ZRANB3: variants seen among roughly 807,000 people sequenced by gnomAD.
ZRANB3 encodes zinc finger RANBP2-type containing 3.
In ZRANB3, 125 loss-of-function variants were observed where a neutral mutation model predicts 133.8. The observed-to-expected ratio is 0.93, with a 90% CI of 0.81 to 1.08. The LOEUF is 1.08. Ranked by LOEUF, ZRANB3 falls within the 50% of genes least tolerant of loss-of-function variation. ZRANB3 has a pLI of 0.00. For missense variants in ZRANB3, 1,229 were observed against 1,275.5 expected (o/e 0.96, Z 0.56); for synonymous variants, 387 against 432.7 (o/e 0.89, Z 1.31).
chr2:135,408,240 C>A (rs917849168), intron 2 of ZRANB3, among the ~76,000 whole-genome samples: 1 of 152,108 alleles, frequency 6.6e-6, no homozygotes, highest in Non-Finnish European at 1.5e-5. Flanking sequence ...ATCATCACTG[C>A]TCATCAGAGA....
At chr2:135,490,713 T>C (rs557645872) in intron 2 of ZRANB3, among the ~76,000 whole-genome samples, 1 of 152,280 alleles carries the variant, frequency 6.6e-6, no homozygotes, top group South Asian at 2.1e-4. Context: ...ATGTACTCAA[T>C]AGCCAAAATG....
intron 1 of ZRANB3, among the ~76,000 whole-genome samples, chr2:135,512,175 A>C (rs1260179442): frequency 6.6e-6 from 1 of 152,198 alleles, no homozygotes; most frequent in Non-Finnish European, 1.5e-5. Context: ...TTATTTTCTA[A>C]GCAATTTGCT....
intron 8 of ZRANB3, among the ~76,000 whole-genome samples, chr2:135,284,430 G>C (rs1305990364): frequency 6.6e-6 from 1 of 152,128 alleles, no homozygotes; most frequent in African/African-American, 2.4e-5. Flanking sequence ...AAAGAAAACA[G>C]AATCACATCT....
At chr2:135,468,240 T>C (rs901672983) in intron 2 of ZRANB3, among the ~76,000 whole-genome samples, 2 of 152,236 alleles carry the variant, frequency 1.3e-5, no homozygotes, top group Non-Finnish European at 2.9e-5. Flanking sequence ...TTCTGGAATA[T>C]ATGTGGATTA....
chr2:135,284,090 C>A (rs1681228261), intron 8 of ZRANB3, among the ~76,000 whole-genome samples: 1 of 152,194 alleles, frequency 6.6e-6, no homozygotes, highest in African/African-American at 2.4e-5. Context: ...AGCACATGGA[C>A]TGTGGAGCCA....
chr2:135,385,734 G>T (rs1480409494), intron 3 of ZRANB3, among the ~76,000 whole-genome samples: 2 of 152,166 alleles, frequency 1.3e-5, no homozygotes, highest in Admixed American at 1.3e-4. Context: ...AACAAAAAAT[G>T]GGGAAAGGAT....
At chr2:135,377,761 C>A (rs1296407785) in intron 3 of ZRANB3, among the ~76,000 whole-genome samples, 1 of 152,184 alleles carries the variant, frequency 6.6e-6, no homozygotes, top group Non-Finnish European at 1.5e-5. Context: ...ATGGTTAATA[C>A]TCAGTGTCAA....
chr2:135,218,222 A>G (rs1694391563), intron 16 of ZRANB3, among the ~76,000 whole-genome samples: 1 of 152,196 alleles, frequency 6.6e-6, no homozygotes. Flanking sequence ...GAGACCAAAA[A>G]AGGTCTGGAA....
intron 3 of ZRANB3, among the ~76,000 whole-genome samples, chr2:135,358,134 T>C (rs1477603636): frequency 6.6e-6 from 1 of 152,214 alleles, no homozygotes; most frequent in East Asian, 1.9e-4. Context: ...AGTACCACAA[T>C]ACTGCTAAAA....
chr2:135,254,731 CCT>C (rs372296464), intron 12 of ZRANB3, among the ~76,000 whole-genome samples: 108 of 152,150 alleles, frequency 7.1e-4, no homozygotes, highest in African/African-American at 2.4e-3. Flanking sequence ...AACCATCACC[CCT>C]GTTTAATTGT....
At chr2:135,335,073 T>A (rs1573930245) in intron 6 of ZRANB3, among the ~76,000 whole-genome samples, 1 of 152,178 alleles carries the variant, frequency 6.6e-6, no homozygotes, top group East Asian at 1.9e-4. Context: ...TTTATCCTGA[T>A]GCTCTCCCTT....
At chr2:135,273,828 C>T (rs1209395463) in intron 9 of ZRANB3, among the ~76,000 whole-genome samples, 1 of 152,110 alleles carries the variant, frequency 6.6e-6, no homozygotes, top group East Asian at 1.9e-4. Flanking sequence ...TGAGCCACCG[C>T]ACCTGGCCTA....
intron 2 of ZRANB3, among the ~76,000 whole-genome samples, chr2:135,431,867 A>C (rs575256965): frequency 1.3e-5 from 2 of 152,326 alleles, no homozygotes; most frequent in Admixed American, 1.3e-4. Flanking sequence ...GAAATGAAAA[A>C]TATATACCAA....
chr2:135,204,211 C>T (rs1277673315), intron 19 of ZRANB3, among the ~76,000 whole-genome samples: 44 of 152,166 alleles, frequency 2.9e-4, no homozygotes, highest in Admixed American at 2.9e-3. Flanking sequence ...ACCTTCTCTT[C>T]TGTGCTGAAC....
At chr2:135,319,694 A>G (rs955147103) in intron 6 of ZRANB3, among the ~76,000 whole-genome samples, 1 of 152,182 alleles carries the variant, frequency 6.6e-6, no homozygotes. Context: ...TCGCACTGCA[A>G]TATGTCCACT....
At chr2:135,315,588 T>A (rs1573896044) in intron 6 of ZRANB3, 58 bp from the exon 7 acceptor site, 3 of 1,220,796 alleles carry the variant, frequency 2.5e-6, no homozygotes, top group East Asian at 5.9e-5. Flanking sequence ...AAGAAAATAA[T>A]TTATCCAATG....
At chr2:135,255,227 A>G (rs1276347084) in intron 12 of ZRANB3, among the ~76,000 whole-genome samples, 1 of 151,976 alleles carries the variant, frequency 6.6e-6, no homozygotes, top group Non-Finnish European at 1.5e-5. Context: ...GAACTTAAAA[A>G]CAGGCCAGTT....
At chr2:135,262,560 T>C (rs888549466) in intron 12 of ZRANB3, among the ~76,000 whole-genome samples, 5 of 152,122 alleles carry the variant, frequency 3.3e-5, no homozygotes, top group African/African-American at 9.6e-5. Flanking sequence ...GGTGGGAGGA[T>C]TGCTTGAGGC....
In ZRANB3 at chr2:135,311,030, A is replaced by G. The variant is rs114858955; in HGVS notation, c.966+2459T>C. Among the ~76,000 whole-genome samples the G allele has an allele frequency of 4.2e-3, 641 of 152,250 alleles. 7 individuals carry two copies. Among genetic ancestry groups the G allele is most frequent in the African/African-American group, 0.015 (607 of 41,586 alleles). ...CAAATTTAAAACTTCTGTTCTCTGA[A>G]AGACAATGTTAATAAAATAGAAATC... On this transcript the variant is annotated intron_variant, in intron 8 of 20. Transcript: ENST00000264159.
Sources: allele counts gnomAD v4.1 joint callset (sites outside exome capture counted in the v4.1 genomes callset), GRCh38; gene constraint gnomAD v4.1.1; transcripts MANE v1.5; gene names NCBI Gene and HGNC (gene_info 2026-07-23, HGNC 2026-07-21).